FGD4: variants seen among roughly 807,000 people sequenced by gnomAD.
FGD4 encodes FYVE, RhoGEF and PH domain containing 4.
Under a neutral mutation model 102.0 loss-of-function variants are expected in FGD4, and 42 were observed. The observed-to-expected ratio is 0.41, with a 90% CI of 0.32 to 0.53. The LOEUF is 0.53. FGD4 is among the 20% of genes least tolerant of loss of function. The probability of loss-of-function intolerance (pLI) is 0.21; values close to 1 mark genes in which losing one functional copy is unlikely to be tolerated. For synonymous variants in FGD4, 380 were observed against 375.7 expected, an observed-to-expected ratio of 1.01 and a Z score of -0.13; for missense variants, 902 against 1,078.2, an observed-to-expected ratio of 0.84 and a Z score of 2.29.
intron 5 of FGD4, among the ~76,000 whole-genome samples, chr12:32,600,964 G>A (rs2136645466): frequency 6.6e-6 from 1 of 152,282 alleles, no homozygotes; most frequent in East Asian, 1.9e-4. Flanking sequence ...CCTAACTCTG[G>A]CTTATGGATA....
chr12:32,579,974 C>T (rs1197106839), intron 3 of FGD4, among the ~76,000 whole-genome samples: 6 of 152,190 alleles, frequency 3.9e-5, no homozygotes, highest in South Asian at 2.1e-4. Flanking sequence ...TCAGCATTGT[C>T]CTTGGGACCA....
chr12:32,401,369 C>T (rs1321446373), intron 1 of FGD4, among the ~76,000 whole-genome samples: 1 of 152,014 alleles, frequency 6.6e-6, no homozygotes, highest in African/African-American at 2.4e-5. Flanking sequence ...AAGCGATTCT[C>T]CTGCCTCAGC....
At chr12:32,513,834 T>C (rs1274571004) in intron 1 of FGD4, among the ~76,000 whole-genome samples, 2 of 152,228 alleles carry the variant, frequency 1.3e-5, no homozygotes, top group East Asian at 1.9e-4. Context: ...CCTCAGGAAC[T>C]GCAGTAAATA....
At chr12:32,526,235 G>A (rs922819316) in intron 1 of FGD4, among the ~76,000 whole-genome samples, 2 of 151,920 alleles carry the variant, frequency 1.3e-5, no homozygotes, top group Admixed American at 1.3e-4. Context: ...GAGCGCACCA[G>A]TCGACACTCT....
chr12:32,582,101 T>TA lies in FGD4; in HGVS notation c.646dup (p.Thr216AsnfsTer3). On this transcript the variant is annotated frameshift_variant, in exon 4 of 17. Coordinates refer to ENST00000534526, the MANE Select transcript of FGD4 (RefSeq NM_001370298.3). LOFTEE classifies it high-confidence loss of function. ...ACTTGCCACAGAGGCAGGGAAATGA[T>TA]ACAGATAAGACTCAGGGTGCACAGA... is the stretch of plus-strand genomic sequence containing the variant. The TA allele has an allele frequency of 6.2e-7, 1 of 1,614,174 alleles. No homozygotes were observed. The highest frequency in any genetic ancestry group is 8.5e-7 in the Non-Finnish European group (1 of 1,180,030).
chr12:32,525,616 C>T (rs1003124683), intron 1 of FGD4, among the ~76,000 whole-genome samples: 1 of 152,230 alleles, frequency 6.6e-6, no homozygotes, highest in African/African-American at 2.4e-5. Flanking sequence ...GTGGGAGCCC[C>T]TTTCTGGGCT....
chr12:32,507,325 A>G (rs1380649186), intron 1 of FGD4, among the ~76,000 whole-genome samples: 2 of 151,932 alleles, frequency 1.3e-5, no homozygotes, highest in African/African-American at 4.8e-5. Flanking sequence ...AATCCAGTCT[A>G]TCATTGTTGG....
intron 2 of FGD4, among the ~76,000 whole-genome samples, chr12:32,573,322 C>T (rs191433570): frequency 6.6e-6 from 1 of 152,042 alleles, no homozygotes. Context: ...GTCTCGATCT[C>T]CTGACCTCAT....
chr12:32,620,426 G>T (rs978056468), intron 11 of FGD4, among the ~76,000 whole-genome samples: 6 of 152,080 alleles, frequency 3.9e-5, no homozygotes, highest in African/African-American at 1.4e-4. Flanking sequence ...CTTCTAGAAG[G>T]TATGGCTCTT....
intron 1 of FGD4, among the ~76,000 whole-genome samples, chr12:32,459,845 T>C (rs1943054030): frequency 6.6e-6 from 1 of 152,164 alleles, no homozygotes; most frequent in Admixed American, 6.5e-5. Flanking sequence ...ACTACAGGCA[T>C]ACGGCACTGC....
intron 1 of FGD4, among the ~76,000 whole-genome samples, chr12:32,533,308 TG>T (rs1941969660): frequency 6.6e-6 from 1 of 152,236 alleles, no homozygotes; most frequent in Admixed American, 6.5e-5. Context: ...AGGGAACTAC[TG>T]TGTCTGGACA....
At position 32,601,658 on chromosome 12, in the gene FGD4, G is replaced by A. The variant is rs180718398; in HGVS notation, c.1247+235G>A. ...AATGTGGAGCTTCAAGAATTCCGGAGCATCTCTCTTTGCTATGGCATTCTG... is the reference window on the plus strand; with the variant it reads ...AATGTGGAGCTTCAAGAATTCCGGAACATCTCTCTTTGCTATGGCATTCTG... On this transcript the variant is annotated intron_variant, in intron 6 of 16. Coordinates refer to ENST00000534526, the MANE Select transcript of FGD4 (RefSeq NM_001370298.3). Among the ~76,000 whole-genome samples the A allele has an allele frequency of 5.9e-5, 9 of 152,288 alleles. No homozygotes were observed. The East Asian group carries it at 1.7e-3, about 29-fold the overall frequency.
intron 16 of FGD4, among the ~76,000 whole-genome samples, chr12:32,639,654 AG>A (rs1255513184): frequency 6.6e-6 from 1 of 152,216 alleles, no homozygotes; most frequent in Non-Finnish European, 1.5e-5. Flanking sequence ...TTTTAACAAG[AG>A]CAGCACCAGG....
chr12:32,513,782 T>C (rs1466982185), intron 1 of FGD4, among the ~76,000 whole-genome samples: 1 of 152,180 alleles, frequency 6.6e-6, no homozygotes, highest in Non-Finnish European at 1.5e-5. Flanking sequence ...TTGGCTAATA[T>C]AAGGAATACT....
At chr12:32,489,470 C>T (rs973833129) in intron 1 of FGD4, among the ~76,000 whole-genome samples, 2 of 152,188 alleles carry the variant, frequency 1.3e-5, no homozygotes, top group African/African-American at 2.4e-5. Flanking sequence ...TTTGGAAGTT[C>T]ACGTATATTC....
At chr12:32,634,197 G>A (rs904715410) in intron 15 of FGD4, among the ~76,000 whole-genome samples, 2 of 151,758 alleles carry the variant, frequency 1.3e-5, no homozygotes, top group African/African-American at 2.4e-5. Flanking sequence ...CATTGATTTC[G>A]TGGCAGTAGC....
chr12:32,544,058 T>C lies in FGD4; in HGVS notation c.167-20079T>C, dbSNP rs1026630678. Among the ~76,000 whole-genome samples, 2 of 152,230 alleles carry C rather than the reference T, an allele frequency of 1.3e-5. No homozygotes were observed. Among genetic ancestry groups the C allele is most frequent in the African/African-American group, 4.8e-5 (2 of 41,458 alleles). ...TTACTTATCTGTGAAGAGGACTTCA[T>C]ACTTTGCACAGAAGTATTTGCTGTG... On this transcript the variant is annotated intron_variant, in intron 1 of 16. Coordinates refer to ENST00000534526, the MANE Select transcript of FGD4 (RefSeq NM_001370298.3). This position sits in a 1 kb window ranked among gnomAD's most constrained non-coding sequence, Gnocchi z 4.1.
intron 1 of FGD4, among the ~76,000 whole-genome samples, chr12:32,455,769 T>G (rs1324573620): frequency 6.6e-6 from 1 of 152,152 alleles, no homozygotes; most frequent in East Asian, 1.9e-4. Flanking sequence ...AACTTAGTCC[T>G]CTGTCATTTT....
chr12:32,421,493 A>G (rs528387511), intron 1 of FGD4, among the ~76,000 whole-genome samples: 34 of 152,230 alleles, frequency 2.2e-4, no homozygotes, highest in Non-Finnish European at 4.6e-4. Context: ...CTGCTCCTCC[A>G]CTGAAAGCCC....
Sources: allele counts gnomAD v4.1 joint callset (sites outside exome capture counted in the v4.1 genomes callset), GRCh38; gene constraint gnomAD v4.1.1; non-coding constraint Gnocchi (gnomAD v3.1); transcripts MANE v1.5; gene names NCBI Gene and HGNC (gene_info 2026-07-23, HGNC 2026-07-21).